TRAK1: variants seen among roughly 807,000 people sequenced by gnomAD.
TRAK1 encodes the protein trafficking kinesin-binding protein 1.
In TRAK1, 33 loss-of-function variants were observed where a neutral mutation model predicts 92.1. That is an observed-to-expected ratio of 0.36 (90% CI 0.27 to 0.48). The LOEUF (loss-of-function observed/expected upper bound fraction) is 0.48, where lower values mean the gene tolerates loss of function less well. Among genes scored for constraint, TRAK1 ranks in the 20% least tolerant of loss-of-function variants. The pLI, the probability that TRAK1 is intolerant of heterozygous loss-of-function variation, is 0.99. For synonymous variants in TRAK1, 521 were observed against 517.3 expected (o/e 1.01, Z -0.10); for missense variants, 1,123 against 1,257.9 (o/e 0.89, Z 1.62).
chr3:42,160,131 C>T (rs962062149), intron 2 of TRAK1: 2 of 1,198,524 alleles, frequency 1.7e-6, no homozygotes, highest in African/African-American at 1.6e-5. Flanking sequence ...CGCCCCTCCT[C>T]CAGGCTCATA....
At chr3:42,136,357 G>T (rs533013947) in intron 2 of TRAK1, among the ~76,000 whole-genome samples, 161 of 152,180 alleles carry the variant, frequency 1.1e-3, no homozygotes, top group African/African-American at 3.8e-3. Flanking sequence ...TATTTTTGTG[G>T]CTCACACTTA....
chr3:42,075,838 A>T (rs1040408924), intron 1 of TRAK1, among the ~76,000 whole-genome samples: 3 of 151,842 alleles, frequency 2.0e-5, no homozygotes, highest in Admixed American at 6.6e-5. Flanking sequence ...TAAAATTTTT[A>T]AAATTTTATT....
chr3:42,139,201 A>T (rs77057253), intron 2 of TRAK1, among the ~76,000 whole-genome samples: 11,583 of 152,162 alleles, frequency 0.076, 484 homozygotes, highest in Middle Eastern at 0.15. Flanking sequence ...CCTTTCTGTC[A>T]TCCCTAAGCT....
At chr3:42,110,911 C>T (rs1708311098) in intron 1 of TRAK1, among the ~76,000 whole-genome samples, 1 of 152,186 alleles carries the variant, frequency 6.6e-6, no homozygotes, top group Admixed American at 6.5e-5. Flanking sequence ...TCAGTGTCTG[C>T]TCTGGCCCTG....
At chr3:42,056,704 C>CAAGTGCAACATAA (rs1703218900) in intron 1 of TRAK1, among the ~76,000 whole-genome samples, 1 of 152,024 alleles carries the variant, frequency 6.6e-6, no homozygotes, top group Non-Finnish European at 1.5e-5. Context: ...AATATTGTCC[C>CAAGTGCAACATAA]AAGTGCAACA....
In TRAK1 at chr3:42,202,371, AGTCGGGCCTCTGT is replaced by A; in HGVS notation, c.1428-63_1428-51del. The A allele has an allele frequency of 7.0e-7, 1 of 1,422,782 alleles. No homozygotes were observed. Among genetic ancestry groups the A allele is most frequent in the Non-Finnish European group, 9.3e-7 (1 of 1,079,566 alleles). The allele number at this position is 1,422,782 out of a possible 1,614,324, so 88.1% of individuals were successfully genotyped here. A position where few individuals can be genotyped will look rare whatever the true frequency, so the allele number is the denominator to read the frequency against. On this transcript the variant is annotated intron_variant, in intron 12 of 15. Coordinates refer to ENST00000327628, the MANE Select transcript of TRAK1 (RefSeq NM_001042646.3). The surrounding 1 kb of genome is among the most constrained non-coding windows in gnomAD (Gnocchi z 6.1). ...GAACGTCCACCGCTGTGCATTGAGC[AGTCGGGCCTCTGT>A]GGCCTTGGAGCCCTGCTGGCATTCC...
chr3:42,148,459 G>A (rs1474877696), intron 2 of TRAK1, among the ~76,000 whole-genome samples: 1 of 152,116 alleles, frequency 6.6e-6, no homozygotes, highest in Non-Finnish European at 1.5e-5. Context: ...CAAACATTTA[G>A]AACTAATATT....
intron 13 of TRAK1, chr3:42,203,741 C>T: frequency 1.0e-6 from 1 of 968,092 alleles, no homozygotes; most frequent in Non-Finnish European, 1.2e-6. Flanking sequence ...TCTAAGGAGC[C>T]TTCTTAGACG....
intron 5 of TRAK1, 41 bp from the exon 6 acceptor site, chr3:42,188,975 A>T: frequency 6.9e-7 from 1 of 1,453,386 alleles, no homozygotes; most frequent in Non-Finnish European, 9.7e-7. Flanking sequence ...TGGTGGGAGG[A>T]AATGCGTCTC....
At position 42,160,505 on chromosome 3, in the gene TRAK1, T is replaced by G. The variant is rs1048852561; in HGVS notation, c.287-16309T>G. ...TCTGTACTTGGCTCAGATTTGATCC[T>G]TTCCTTGTTAGTATCTAAATAGGCT... On this transcript the variant is annotated intron_variant, in intron 2 of 15. Transcript: ENST00000327628. 8.1e-6 allele frequency: 13 copies of G among 1,608,346 alleles called. No homozygotes were observed. In the African/African-American group the frequency reaches 1.2e-4, roughly 15 times the overall value.
In TRAK1 at chr3:42,202,311, G is replaced by T; in HGVS notation, c.1428-125G>T. ...CCTGTTGCCTAAATGTCAACTGCTT[G>T]CCTTGGTTCCCATGGAGAATCCTGT... On this transcript the variant is annotated intron_variant, in intron 12 of 15. Coordinates refer to ENST00000327628, the MANE Select transcript of TRAK1 (RefSeq NM_001042646.3). The surrounding 1 kb of genome is among the most constrained non-coding windows in gnomAD (Gnocchi z 6.1). 1 of 1,068,528 alleles carries T rather than the reference G, an allele frequency of 9.4e-7. No homozygotes were observed. 66.2% of individuals were successfully genotyped at this position (1,068,528 alleles called of 1,614,324 possible). A position where few individuals can be genotyped will look rare whatever the true frequency, so the allele number is the denominator to read the frequency against.
intron 14 of TRAK1, among the ~76,000 whole-genome samples, chr3:42,213,770 A>G (rs1709355500): frequency 6.6e-6 from 1 of 152,050 alleles, no homozygotes; most frequent in African/African-American, 2.4e-5. Flanking sequence ...CGATTCACAG[A>G]CCCTTGGGTG....
At chr3:42,015,433 C>G (rs2148873434) in intron 1 of TRAK1, among the ~76,000 whole-genome samples, 1 of 152,232 alleles carries the variant, frequency 6.6e-6, no homozygotes, top group African/African-American at 2.4e-5. Flanking sequence ...TGTCTCCACT[C>G]TGGCTGTGTT....
intron 14 of TRAK1, among the ~76,000 whole-genome samples, chr3:42,214,536 C>G (rs1326835334): frequency 6.6e-6 from 1 of 152,242 alleles, no homozygotes; most frequent in African/African-American, 2.4e-5. Flanking sequence ...ACCCCAGGGG[C>G]ACTTGAGAGA....
intron 1 of TRAK1, among the ~76,000 whole-genome samples, chr3:42,068,240 C>G (rs1158779454): frequency 2.6e-5 from 4 of 152,164 alleles, no homozygotes; most frequent in Non-Finnish European, 5.9e-5. Flanking sequence ...CTCACTGCAG[C>G]CTTGAACTCC....
intron 1 of TRAK1, among the ~76,000 whole-genome samples, chr3:42,016,000 G>A (rs1277908430): frequency 1.3e-5 from 2 of 152,102 alleles, no homozygotes; most frequent in Non-Finnish European, 2.9e-5. Context: ...TCCCGCCACT[G>A]CACTTCAGCC....
At chr3:42,174,329 T>G (rs979292342) in intron 2 of TRAK1, among the ~76,000 whole-genome samples, 1 of 152,220 alleles carries the variant, frequency 6.6e-6, no homozygotes, top group Non-Finnish European at 1.5e-5. Context: ...TAAAATTACA[T>G]AGAGCTTAAT....
Position 42,072,140 on chromosome 3 carries a change from G to A in TRAK1, c.-518-14964G>A, listed in dbSNP as rs143753653. 6.2e-3 allele frequency among the ~76,000 whole-genome samples: 947 copies of A among 152,246 alleles called. 13 individuals are homozygous for A. The highest frequency in any genetic ancestry group is 0.022 in the African/African-American group (914 of 41,524). ...TGGCTGGCAGTATTAAGCGTCCGGA[G>A]GCCACTATGTACCCAAAACAGCAAG... is the stretch of plus-strand genomic sequence containing the variant. On this transcript the variant is annotated intron_variant, in intron 1 of 16. Coordinates refer to the TRAK1 transcript ENST00000487159.
chr3:42,134,597 T>C (rs1697692856), intron 2 of TRAK1, among the ~76,000 whole-genome samples: 1 of 134,654 alleles, frequency 7.4e-6, no homozygotes, highest in African/African-American at 3.1e-5. Flanking sequence ...TTTTTTTTTT[T>C]TTTTTTTGAG....
Sources: gnomAD v4.1 joint callset for allele counts (sites outside exome capture counted in the v4.1 genomes callset) on GRCh38, gnomAD v4.1.1 for gene constraint, Gnocchi (gnomAD v3.1) non-coding constraint, MANE v1.5 for transcripts, NCBI Gene and HGNC (gene_info 2026-07-23, HGNC 2026-07-21) for gene names.